Variants in FMN1 observed in about 807,000 individuals in gnomAD.
FMN1 encodes formin 1.
A neutral mutation model predicts 132.4 loss-of-function variants in FMN1; 110 were observed. The observed-to-expected ratio is 0.83, with a 90% CI of 0.71 to 0.97. The LOEUF is 0.97. FMN1 is among the 50% of genes least tolerant of loss of function. The probability of loss-of-function intolerance (pLI) is 0.00; values close to 1 mark genes in which losing one functional copy is unlikely to be tolerated. For synonymous variants in FMN1, 722 were observed against 651.7 expected, an observed-to-expected ratio of 1.11 and a Z score of -1.64; for missense variants, 1,792 against 1,705.3, an observed-to-expected ratio of 1.05 and a Z score of -0.90.
chr15:32,875,852 A>G (rs1431589715), intron 16 of FMN1, among the ~76,000 whole-genome samples: 6 of 152,190 alleles, frequency 3.9e-5, no homozygotes, highest in Admixed American at 3.3e-4. Flanking sequence ...GTTTTGACCC[A>G]ATACAAGCTC....
At chr15:32,982,355 G>C (rs2032745473) in intron 7 of FMN1, among the ~76,000 whole-genome samples, 1 of 152,126 alleles carries the variant, frequency 6.6e-6, no homozygotes, top group South Asian at 2.1e-4. Flanking sequence ...AAGCAGTTTG[G>C]CCATTTCTTA....
intron 16 of FMN1, among the ~76,000 whole-genome samples, chr15:32,867,696 T>A (rs2059424506): frequency 6.6e-6 from 1 of 152,182 alleles, no homozygotes; most frequent in African/African-American, 2.4e-5. Context: ...TTTCACCATG[T>A]TAGCCGGGAT....
rs181587596 is a variant in FMN1 at position 32,935,000 on chromosome 15, C to T, written c.3139-8739G>A. On this transcript the variant is annotated intron_variant, in intron 9 of 20. Transcript: ENST00000616417. ...GCAATGGCATGATCTCCACTCACTG[C>T]AACCTCTGCCTCCTGAGTTCAAGCG... is the stretch of plus-strand genomic sequence containing the variant. Among the ~76,000 whole-genome samples, 3 of 151,936 alleles carry T rather than the reference C, an allele frequency of 2.0e-5. No individual in the cohort carries two copies. The East Asian group carries it at 5.8e-4, about 29-fold the overall frequency.
chr15:33,070,256 C>T (rs1235386717), intron 5 of FMN1, among the ~76,000 whole-genome samples: 2 of 151,772 alleles, frequency 1.3e-5, no homozygotes, highest in African/African-American at 2.4e-5. Context: ...CCGCCCGCCT[C>T]GGCCTCCCAA....
rs1401584721 is a variant in FMN1, at chr15:32,765,781, ACT to A, written c.*8527_*8528del. The A allele has an allele frequency of 2.0e-5, 3 of 152,160 alleles. No individual in the cohort carries two copies. Among genetic ancestry groups the A allele is most frequent in the Non-Finnish European group, 2.9e-5 (2 of 68,030 alleles). 9.4% of individuals were successfully genotyped at this position (152,160 alleles called of 1,614,324 possible). A position where few individuals can be genotyped will look rare whatever the true frequency, so the allele number is the denominator to read the frequency against. ...AATACACTTGATATTGTGACCAAGTACTGTCAAGGAGGAAAAAATATATATAT... is the reference window on the plus strand; with the variant it reads ...AATACACTTGATATTGTGACCAAGTAGTCAAGGAGGAAAAAATATATATAT... On this transcript the variant is annotated 3_prime_UTR_variant, in exon 21 of 21. Transcript: ENST00000616417.
At chr15:32,955,843 CTG>C (rs755333262) in intron 9 of FMN1, among the ~76,000 whole-genome samples, 1 of 151,774 alleles carries the variant, frequency 6.6e-6, no homozygotes, top group East Asian at 1.9e-4. Flanking sequence ...GCGCACGTGT[CTG>C]TGTGTGTGGT....
intron 6 of FMN1, among the ~76,000 whole-genome samples, chr15:33,013,881 C>T (rs1211799418): frequency 1.3e-5 from 2 of 152,208 alleles, no homozygotes; most frequent in African/African-American, 4.8e-5. Flanking sequence ...AGAAATTATA[C>T]AGACTATATT....
chr15:32,887,686 A>C (rs1204025002), intron 16 of FMN1, among the ~76,000 whole-genome samples: 1 of 147,910 alleles, frequency 6.8e-6, no homozygotes, highest in Non-Finnish European at 1.5e-5. Context: ...AAGTTCTAGA[A>C]ACTAGAAACT....
chr15:33,031,088 C>A (rs935136508), intron 6 of FMN1, among the ~76,000 whole-genome samples: 6 of 151,448 alleles, frequency 4.0e-5, no homozygotes, highest in African/African-American at 9.7e-5. Context: ...ATTACCACAT[C>A]CGTGTTAGAA....
chr15:33,010,493 A>T (rs1350196073), intron 6 of FMN1, among the ~76,000 whole-genome samples: 1 of 152,190 alleles, frequency 6.6e-6, no homozygotes, highest in African/African-American at 2.4e-5. Flanking sequence ...ATTAAATATT[A>T]TATTGGTAAA....
intron 9 of FMN1, among the ~76,000 whole-genome samples, chr15:32,940,541 C>G (rs1305774059): frequency 6.6e-6 from 1 of 151,976 alleles, no homozygotes; most frequent in Non-Finnish European, 1.5e-5. Flanking sequence ...TAATTATTCT[C>G]AGGTATACGA....
At chr15:32,983,273 T>C (rs1207449249) in intron 7 of FMN1, among the ~76,000 whole-genome samples, 2 of 152,198 alleles carry the variant, frequency 1.3e-5, no homozygotes, top group East Asian at 3.8e-4. Flanking sequence ...AGACTATATA[T>C]TGCATGGTTC....
chr15:32,911,368 C>T (rs2141670193), intron 10 of FMN1, among the ~76,000 whole-genome samples: 1 of 152,236 alleles, frequency 6.6e-6, no homozygotes, highest in South Asian at 2.1e-4. Flanking sequence ...CCTGACTTTA[C>T]ATTGTGAAAT....
intron 15 of FMN1, among the ~76,000 whole-genome samples, chr15:32,892,980 G>A (rs1250030947): frequency 1.3e-5 from 2 of 152,034 alleles, no homozygotes; most frequent in Non-Finnish European, 2.9e-5. Context: ...TTTATTTTTG[G>A]TTGATGGGCA....
intron 17 of FMN1, among the ~76,000 whole-genome samples, chr15:32,856,216 G>A (rs1054516504): frequency 2.0e-5 from 3 of 152,160 alleles, no homozygotes; most frequent in Admixed American, 2.0e-4. Flanking sequence ...AAAGCATGTT[G>A]AGATATCCCC....
At chr15:33,148,143 C>A (rs193117827) in intron 4 of FMN1, among the ~76,000 whole-genome samples, 238 of 152,228 alleles carry the variant, frequency 1.6e-3, no homozygotes, top group Admixed American at 2.1e-3. Context: ...AAAACATATA[C>A]CCATATACCA....
intron 9 of FMN1, among the ~76,000 whole-genome samples, chr15:32,947,545 A>C (rs2061535663): frequency 6.6e-6 from 1 of 152,086 alleles, no homozygotes; most frequent in Admixed American, 6.5e-5. Context: ...AAGCTTGTTA[A>C]ATTCCAAGTA....
intron 2 of FMN1, among the ~76,000 whole-genome samples, chr15:33,183,256 C>A (rs1965765166): frequency 6.6e-6 from 1 of 152,166 alleles, no homozygotes; most frequent in Non-Finnish European, 1.5e-5. Context: ...AAATGCCTAC[C>A]TAATAGGTTG....
At chr15:33,151,049 G>A in intron 4 of FMN1, 1 of 1,211,268 alleles carries the variant, frequency 8.3e-7, no homozygotes, top group Non-Finnish European at 1.0e-6. Context: ...GGGAGTCACT[G>A]AAGGGTTCAG....
Sources: allele counts gnomAD v4.1 joint callset (sites outside exome capture counted in the v4.1 genomes callset), GRCh38; gene constraint gnomAD v4.1.1; transcripts MANE v1.5; gene names NCBI Gene and HGNC (gene_info 2026-07-23, HGNC 2026-07-21).